The following GALNT13 variants were observed in gnomAD, a reference collection of about 807,000 sequenced individuals.
GALNT13 encodes the protein UDP-GalNAc:polypeptide N-acetylgalactosaminyltransferase 13.
A neutral mutation model predicts 64.2 loss-of-function variants in GALNT13; 28 were observed. The ratio of observed to expected loss-of-function variants is 0.44; its 90% CI spans 0.32 to 0.60. The LOEUF (loss-of-function observed/expected upper bound fraction) is 0.60. Among genes scored for constraint, GALNT13 ranks in the 20% least tolerant of loss-of-function variants. The pLI, the probability that GALNT13 is intolerant of heterozygous loss-of-function variation, is 0.05. For synonymous variants in GALNT13, 214 were observed against 224.6 expected (o/e 0.95, Z 0.42); for missense variants, 577 against 669.8 (o/e 0.86, Z 1.53).
At chr2:153,596,372 C>A in the GALNT13 span, among the ~76,000 whole-genome samples, 6 of 152,224 alleles carry the variant, frequency 3.9e-5, no homozygotes, top group Admixed American at 2.6e-4. Flanking sequence ...ATAAAGACAC[C>A]TCACAGAATA....
rs111902252 is a variant in GALNT13 at position 154,016,504 on chromosome 2, G to T, written c.142+71865G>T. On this transcript the variant is annotated intron_variant, in intron 3 of 12. Coordinates refer to ENST00000392825, the MANE Select transcript of GALNT13 (RefSeq NM_052917.4). ...GCGATCTCAGCTCACTGCAACTTCC[G>T]CCTCCCTGGTTCAAGTGATTCTCCT... Among the ~76,000 whole-genome samples, 1,055 of 152,178 alleles carry T rather than the reference G, an allele frequency of 6.9e-3. 2 individuals carry two copies. Among genetic ancestry groups the T allele is most frequent in the Non-Finnish European group, 0.01 (699 of 67,996 alleles).
At chr2:153,555,041 A>C in the GALNT13 span, among the ~76,000 whole-genome samples, 279 of 152,172 alleles carry the variant, frequency 1.8e-3, no homozygotes, top group African/African-American at 6.3e-3. Flanking sequence ...TAAATGAAAA[A>C]AATTTAACTC....
the GALNT13 span, among the ~76,000 whole-genome samples, chr2:153,151,205 T>C: frequency 5.9e-5 from 9 of 151,626 alleles, no homozygotes; most frequent in Non-Finnish European, 1.3e-4. Context: ...GTTGGATTTT[T>C]TGCAGCCAAA....
At chr2:154,152,343 T>A (rs900515971) in intron 4 of GALNT13, among the ~76,000 whole-genome samples, 18 of 152,232 alleles carry the variant, frequency 1.2e-4, no homozygotes, top group Admixed American at 5.2e-4. Flanking sequence ...ACCCGACCTT[T>A]CTCTCTGGCT....
At chr2:153,938,347 A>G (rs1011224949) in intron 2 of GALNT13, among the ~76,000 whole-genome samples, 1 of 152,172 alleles carries the variant, frequency 6.6e-6, no homozygotes, top group Admixed American at 6.5e-5. Flanking sequence ...CAGCCATGAG[A>G]AAAAGAAAGT....
chr2:153,248,638 G>C, the GALNT13 span, among the ~76,000 whole-genome samples: 6 of 150,926 alleles, frequency 4.0e-5, no homozygotes, highest in South Asian at 2.1e-4. Flanking sequence ...ACGGTGAAAC[G>C]CCATCTCTAC....
chr2:153,195,952 C>G, the GALNT13 span, among the ~76,000 whole-genome samples: 1 of 152,138 alleles, frequency 6.6e-6, no homozygotes, highest in African/African-American at 2.4e-5. Context: ...CTGATCATCC[C>G]AATGAGGGTT....
At chr2:154,063,377 T>A (rs183772995) in intron 3 of GALNT13, among the ~76,000 whole-genome samples, 1 of 152,194 alleles carries the variant, frequency 6.6e-6, no homozygotes, top group Non-Finnish European at 1.5e-5. Context: ...ACTGTCCTCA[T>A]GTTTTTCATG....
the GALNT13 span, among the ~76,000 whole-genome samples, chr2:153,078,675 T>C: frequency 3.9e-3 from 589 of 152,206 alleles, 1 homozygote; most frequent in Admixed American, 0.01. Context: ...CAGTAAATCA[T>C]GAAGAAGGGA....
chr2:154,408,623 A>G (rs1489615398), intron 10 of GALNT13, among the ~76,000 whole-genome samples: 1 of 152,020 alleles, frequency 6.6e-6, no homozygotes, highest in Non-Finnish European at 1.5e-5. Context: ...GTCAATGGTT[A>G]TTTGAGTGGA....
chr2:154,246,127 A>G, intron 7 of GALNT13, 145 bp downstream of exon 7: 1 of 473,292 alleles, frequency 2.1e-6, no homozygotes, highest in Non-Finnish European at 3.5e-6. Flanking sequence ...ATAATCATAT[A>G]AGGATCAATG....
At chr2:154,118,798 G>A (rs1681762114) in intron 3 of GALNT13, among the ~76,000 whole-genome samples, 1 of 151,930 alleles carries the variant, frequency 6.6e-6, no homozygotes, top group African/African-American at 2.4e-5. Flanking sequence ...ATTTCAGTCT[G>A]ATAAGAACTT....
chr2:153,848,886 A>G, the GALNT13 span, among the ~76,000 whole-genome samples: 5 of 151,874 alleles, frequency 3.3e-5, no homozygotes, highest in East Asian at 9.7e-4. Context: ...CAATGTATGT[A>G]TAAAGTAAAT....
At chr2:153,386,882 C>T in the GALNT13 span, among the ~76,000 whole-genome samples, 1 of 152,086 alleles carries the variant, frequency 6.6e-6, no homozygotes, top group South Asian at 2.1e-4. Flanking sequence ...CCTTCCTTTC[C>T]ACCCAAGCCT....
chr2:153,337,513 A>G, the GALNT13 span, among the ~76,000 whole-genome samples: 2 of 152,228 alleles, frequency 1.3e-5, no homozygotes, highest in South Asian at 2.1e-4. Context: ...AGAATTGACA[A>G]TAATCCTCAT....
the GALNT13 span, among the ~76,000 whole-genome samples, chr2:153,613,570 C>T: frequency 1.2e-4 from 19 of 152,150 alleles, no homozygotes; most frequent in African/African-American, 4.6e-4. Context: ...TTCTCAGGAA[C>T]ATAATATATA....
intron 3 of GALNT13, among the ~76,000 whole-genome samples, chr2:154,051,848 T>G (rs765760994): frequency 3.3e-5 from 5 of 152,182 alleles, no homozygotes; most frequent in Admixed American, 6.5e-5. Flanking sequence ...TTTAGCAAAA[T>G]ATTTCATTCA....
the GALNT13 span, among the ~76,000 whole-genome samples, chr2:153,568,317 A>T: frequency 3.3e-5 from 5 of 152,304 alleles, no homozygotes; most frequent in East Asian, 9.6e-4. Context: ...TGCTGGACTC[A>T]CGTGATTCTC....
At chr2:153,669,901 T>G in the GALNT13 span, among the ~76,000 whole-genome samples, 1 of 145,820 alleles carries the variant, frequency 6.9e-6, no homozygotes, top group African/African-American at 2.6e-5. Context: ...CCCTCATGCA[T>G]GGAGCCTTGC....
Sources: gnomAD v4.1 joint callset for allele counts (sites outside exome capture counted in the v4.1 genomes callset) on GRCh38, gnomAD v4.1.1 for gene constraint, MANE v1.5 for transcripts, NCBI Gene and HGNC (gene_info 2026-07-23, HGNC 2026-07-21) for gene names.